ZPBP: variants seen among roughly 807,000 people sequenced by gnomAD.
ZPBP encodes the protein zona pellucida binding protein.
Under a neutral mutation model 44.8 loss-of-function variants are expected in ZPBP, and 26 were observed. The ratio of observed to expected loss-of-function variants is 0.58; its 90% CI spans 0.43 to 0.81. The LOEUF is 0.81. ZPBP is among the 30% of genes least tolerant of loss of function. The probability of loss-of-function intolerance (pLI) is 0.00; values close to 1 mark genes in which losing one functional copy is unlikely to be tolerated. For missense variants in ZPBP, 409 were observed against 434.0 expected (o/e 0.94, Z 0.51); for synonymous variants, 174 against 153.2 (o/e 1.14, Z -1.00).
Position 50,082,947 on chromosome 7 carries a change from C to T in ZPBP, c.209-1048G>A, listed in dbSNP as rs1802444392. Among the ~76,000 whole-genome samples the T allele has an allele frequency of 2.6e-5, 4 of 151,764 alleles. No homozygotes were observed. In the South Asian group the frequency reaches 8.3e-4, roughly 31 times the overall value. ...AGCATGATTTACTGGCCCTACTCTC[C>T]ATGATCTTTTGCATATATCTCACTA... On this transcript the variant is annotated intron_variant, in intron 2 of 7. Transcript: ENST00000046087.
intron 4 of ZPBP, among the ~76,000 whole-genome samples, chr7:50,047,689 C>T (rs1351101063): frequency 3.3e-5 from 5 of 149,262 alleles, no homozygotes; most frequent in African/African-American, 1.2e-4. Flanking sequence ...ACCCAAATGG[C>T]TACAACCGCT....
At chr7:49,958,042 G>A (rs936961417) in intron 7 of ZPBP, among the ~76,000 whole-genome samples, 1 of 152,162 alleles carries the variant, frequency 6.6e-6, no homozygotes, top group Admixed American at 6.5e-5. Context: ...GTTGGGTTTT[G>A]GACTTCCTTA....
At chr7:49,866,798 A>T (rs1790910514) in intron 2 of ZPBP, among the ~76,000 whole-genome samples, 1 of 152,108 alleles carries the variant, frequency 6.6e-6, no homozygotes, top group African/African-American at 2.4e-5. Context: ...TATGGCATTT[A>T]GGTTCCTGTA....
At chr7:49,903,687 G>A (rs1792904617) in intron 1 of ZPBP, among the ~76,000 whole-genome samples, 2 of 152,318 alleles carry the variant, frequency 1.3e-5, no homozygotes, top group African/African-American at 4.8e-5. Flanking sequence ...AAATAACATA[G>A]ACGTATATGC....
At chr7:49,893,932 A>C (rs1046746182) in intron 2 of ZPBP, among the ~76,000 whole-genome samples, 10 of 152,214 alleles carry the variant, frequency 6.6e-5, no homozygotes, top group Non-Finnish European at 1.5e-4. Flanking sequence ...CTAAAATAAA[A>C]TGCGTTGCCA....
chr7:50,092,945 C>T lies in ZPBP; in HGVS notation c.127+123G>A, dbSNP rs572087392. On this transcript the variant is annotated intron_variant, in intron 1 of 7. Transcript: ENST00000046087. Reference sequence around the variant, plus strand: ...CATAAAAAATAAGCCTTTCTTGTCACGTATTAGTGAGCAAGGTGTCTCTAT... The same window carrying T: ...CATAAAAAATAAGCCTTTCTTGTCATGTATTAGTGAGCAAGGTGTCTCTAT... 5.5e-5 allele frequency: 75 copies of T among 1,369,132 alleles called. No homozygotes were observed. The African/African-American group carries it at 1.0e-3, about 19-fold the overall frequency. The allele number at this position is 1,369,132 out of a possible 1,614,324, so 84.8% of individuals were successfully genotyped here.
At chr7:49,907,565 A>G (rs574231673) in intron 1 of ZPBP, among the ~76,000 whole-genome samples, 375 of 152,346 alleles carry the variant, frequency 2.5e-3, no homozygotes, top group African/African-American at 8.4e-3. Flanking sequence ...GCCAAATATG[A>G]GTAACCATGG....
rs535110976 is a variant in ZPBP at position 49,982,423 on chromosome 7, A to C, written c.961+919T>G. Among the ~76,000 whole-genome samples the C allele has an allele frequency of 1.2e-3, 166 of 143,638 alleles. 2 individuals carry two copies. The highest frequency in any genetic ancestry group is 4.1e-3 in the African/African-American group (160 of 39,200). The allele number at this position is 143,638 out of a possible 152,430, so 94.2% of individuals were successfully genotyped here. The stretch of plus-strand genomic sequence containing the variant: ...AAAAGTTACAAAGTTAACAGTTGGA[A>C]GTCATTTGTTTAATTTGTATTCTAT... On this transcript the variant is annotated intron_variant, in intron 7 of 7. Coordinates refer to ENST00000046087, the MANE Select transcript of ZPBP (RefSeq NM_007009.3).
intron 7 of ZPBP, among the ~76,000 whole-genome samples, chr7:49,963,687 A>C (rs1283782376): frequency 6.6e-6 from 1 of 151,868 alleles, no homozygotes; most frequent in Non-Finnish European, 1.5e-5. Context: ...GTTTAAAATT[A>C]AAATTACATA....
intron 2 of ZPBP, among the ~76,000 whole-genome samples, chr7:49,861,360 G>T (rs513838): frequency 0.069 from 10,522 of 152,140 alleles, 1,205 homozygotes; most frequent in African/African-American, 0.24. Flanking sequence ...TGTTGTTGAG[G>T]TTTAAGACTT....
intron 4 of ZPBP, among the ~76,000 whole-genome samples, chr7:50,032,912 A>C (rs148239946): frequency 1.8e-4 from 28 of 152,362 alleles, no homozygotes; most frequent in African/African-American, 6.7e-4. Flanking sequence ...CATCACTGAG[A>C]TAATACAATT....
chr7:49,889,005 G>A (rs368816736), intron 2 of ZPBP, among the ~76,000 whole-genome samples: 5 of 152,174 alleles, frequency 3.3e-5, no homozygotes, highest in Admixed American at 6.5e-5. Context: ...TTGGGCTGAC[G>A]CAAGTAGGGG....
chr7:49,917,183 A>C (rs1384204419), intron 1 of ZPBP: 1 of 152,174 alleles, frequency 6.6e-6, no homozygotes, highest in Non-Finnish European at 1.5e-5. Context: ...ATTTGTACAG[A>C]AATATAGTAG....
At chr7:50,041,478 G>C (rs1422608683) in intron 4 of ZPBP, among the ~76,000 whole-genome samples, 1 of 152,210 alleles carries the variant, frequency 6.6e-6, no homozygotes, top group East Asian at 1.9e-4. Flanking sequence ...AGCAATCTTT[G>C]CTGTACTGCA....
At chr7:49,979,562 A>G (rs1182599285) in intron 7 of ZPBP, among the ~76,000 whole-genome samples, 2 of 151,686 alleles carry the variant, frequency 1.3e-5, no homozygotes, top group Non-Finnish European at 2.9e-5. Context: ...TGTTACCCAA[A>G]GTTTTTAAAT....
chr7:49,934,886 T>C (rs1794569915), downstream of ZPBP, among the ~76,000 whole-genome samples: 1 of 152,168 alleles, frequency 6.6e-6, no homozygotes. Context: ...ATATTTGCCC[T>C]GGTAACTTCA....
chr7:50,035,881 G>C (rs1252634610), intron 4 of ZPBP, among the ~76,000 whole-genome samples: 3 of 152,056 alleles, frequency 2.0e-5, no homozygotes, highest in Non-Finnish European at 4.4e-5. Flanking sequence ...AAAACAGGTG[G>C]ATATGACCAA....
chr7:49,857,556 C>T (rs898200830), intron 2 of ZPBP, among the ~76,000 whole-genome samples: 1 of 152,150 alleles, frequency 6.6e-6, no homozygotes, highest in Non-Finnish European at 1.5e-5. Flanking sequence ...AAGTGCTCAA[C>T]ATTGCTAATC....
intron 2 of ZPBP, among the ~76,000 whole-genome samples, chr7:49,867,845 A>T (rs6972877): frequency 0.57 from 72,084 of 127,010 alleles, 17,677 homozygotes; most frequent in Middle Eastern, 0.64. Flanking sequence ...ATTTTATTTT[A>T]TTTTTTGAGG....
Sources: allele counts gnomAD v4.1 joint callset (sites outside exome capture counted in the v4.1 genomes callset), GRCh38; gene constraint gnomAD v4.1.1; transcripts MANE v1.5; gene names NCBI Gene and HGNC (gene_info 2026-07-23, HGNC 2026-07-21).